The following RAI14 variants were observed in gnomAD, a reference collection of about 807,000 sequenced individuals.
The protein encoded by RAI14 is ankycorbin.
Under a neutral mutation model 115.4 loss-of-function variants are expected in RAI14, and 45 were observed. The observed-to-expected ratio is 0.39, with a 90% CI of 0.31 to 0.50. The LOEUF (loss-of-function observed/expected upper bound fraction) is 0.50. RAI14 is among the 20% of genes least tolerant of loss of function. The pLI, the probability that RAI14 is intolerant of heterozygous loss-of-function variation, is 0.85. For missense variants in RAI14, 939 were observed against 1,131.2 expected (o/e 0.83, Z 2.44); for synonymous variants, 371 against 415.4 (o/e 0.89, Z 1.30).
chr5:34,687,747 G>A, intron 2 of RAI14: 2 of 1,549,470 alleles, frequency 1.3e-6, no homozygotes, highest in East Asian at 2.4e-5. Flanking sequence ...AAATGGGCTT[G>A]TTCAGCTATC....
At chr5:34,752,763 A>ATATC in intron 2 of RAI14, among the ~76,000 whole-genome samples, 1 of 125,320 alleles carries the variant, frequency 8.0e-6, no homozygotes, top group Non-Finnish European at 1.6e-5. Flanking sequence ...ATATATATAT[A>ATATC]TATGTATCTT....
chr5:34,665,700 T>C (rs1743151075), intron 1 of RAI14, among the ~76,000 whole-genome samples: 1 of 152,152 alleles, frequency 6.6e-6, no homozygotes. Flanking sequence ...ATGGAACTCC[T>C]TGCCCTAAGG....
intron 1 of RAI14, among the ~76,000 whole-genome samples, chr5:34,674,586 G>GGTTT (rs1554038522): frequency 1.3e-4 from 17 of 132,534 alleles, no homozygotes; most frequent in African/African-American, 4.8e-4. Flanking sequence ...CGGATCTTTT[G>GGTTT]TTTTTTTTTT....
intron 11 of RAI14, among the ~76,000 whole-genome samples, chr5:34,814,115 AAGT>A (rs1215945704): frequency 6.6e-6 from 1 of 152,204 alleles, no homozygotes; most frequent in Non-Finnish European, 1.5e-5. Flanking sequence ...CTAATATTAA[AAGT>A]AGTTTTCATT....
chr5:34,749,608 A>G (rs960595479), intron 2 of RAI14, among the ~76,000 whole-genome samples: 3 of 152,132 alleles, frequency 2.0e-5, no homozygotes, highest in Non-Finnish European at 2.9e-5. Flanking sequence ...TCAAGAGAAA[A>G]CCTTTAAGTA....
intron 1 of RAI14, among the ~76,000 whole-genome samples, chr5:34,674,174 A>C (rs1048452624): frequency 4.6e-5 from 7 of 152,206 alleles, no homozygotes; most frequent in Non-Finnish European, 1.0e-4. Flanking sequence ...GATAGTTGGG[A>C]CAGCAGAAAT....
intron 2 of RAI14, among the ~76,000 whole-genome samples, chr5:34,752,804 G>T (rs1215918968): frequency 6.9e-6 from 1 of 145,270 alleles, no homozygotes; most frequent in Admixed American, 7.0e-5. Context: ...GTCTTGGGTT[G>T]TCGCCCAGGT....
At chr5:34,767,330 TG>T (rs1749532271) in intron 3 of RAI14, among the ~76,000 whole-genome samples, 2 of 152,108 alleles carry the variant, frequency 1.3e-5, no homozygotes, top group African/African-American at 4.8e-5. Flanking sequence ...CAGGAGAGCC[TG>T]GGAAACGTAG....
At chr5:34,810,863 A>T (rs1755499669) in intron 7 of RAI14, 149 bp from the exon 8 acceptor site, 3 of 1,208,528 alleles carry the variant, frequency 2.5e-6, no homozygotes, top group Non-Finnish European at 3.5e-6. Flanking sequence ...GTGACTCTAT[A>T]GGGGTACAGA....
intron 2 of RAI14, among the ~76,000 whole-genome samples, chr5:34,711,667 T>C (rs1741419659): frequency 6.6e-6 from 1 of 152,148 alleles, no homozygotes; most frequent in Admixed American, 6.6e-5. Context: ...CCTTCTGCCA[T>C]ATGAGGACAC....
chr5:34,749,201 G>C (rs1433423069), intron 2 of RAI14, among the ~76,000 whole-genome samples: 2 of 152,216 alleles, frequency 1.3e-5, no homozygotes, highest in South Asian at 2.1e-4. Flanking sequence ...AAGAAATGCA[G>C]CTTTTCTCAA....
At chr5:34,720,711 ATT>A (rs897355366) in intron 2 of RAI14, among the ~76,000 whole-genome samples, 1 of 151,154 alleles carries the variant, frequency 6.6e-6, no homozygotes, top group African/African-American at 2.4e-5. Flanking sequence ...CGCCCGGCAG[ATT>A]TTTTTTTCTA....
At chr5:34,768,709 C>T (rs62355690) in intron 3 of RAI14, among the ~76,000 whole-genome samples, 1 of 152,120 alleles carries the variant, frequency 6.6e-6, no homozygotes, top group Non-Finnish European at 1.5e-5. Flanking sequence ...GTCGTGGGCC[C>T]CGGGTGCGGT....
intron 2 of RAI14, among the ~76,000 whole-genome samples, chr5:34,699,650 A>G (rs1243280342): frequency 6.6e-6 from 1 of 152,176 alleles, no homozygotes; most frequent in Non-Finnish European, 1.5e-5. Context: ...GGGCTTCAAC[A>G]TATGGATTTT....
intron 2 of RAI14, among the ~76,000 whole-genome samples, chr5:34,696,425 C>T (rs929213426): frequency 2.6e-5 from 4 of 152,136 alleles, no homozygotes; most frequent in African/African-American, 7.2e-5. Flanking sequence ...CGTGAGCCAC[C>T]ACGCCCGGCC....
rs563415382 is a variant in RAI14 at position 34,682,981 on chromosome 5, T to G, written c.-48-3891T>G. Reference sequence around the variant, plus strand: ...CAGCCTGGGCTTTAGAAGTTTGGGATTGAAAATGAGACTGTAAGATCCCAG... The same window carrying G: ...CAGCCTGGGCTTTAGAAGTTTGGGAGTGAAAATGAGACTGTAAGATCCCAG... On this transcript the variant is annotated intron_variant, in intron 1 of 17. Coordinates refer to ENST00000265109, the MANE Select transcript of RAI14 (RefSeq NM_015577.3). Among the ~76,000 whole-genome samples the G allele has an allele frequency of 2.6e-5, 4 of 152,280 alleles. 1 individual carries two copies. The highest frequency in any genetic ancestry group is 4.1e-4 in the South Asian group (2 of 4,822).
intron 4 of RAI14, among the ~76,000 whole-genome samples, chr5:34,797,040 T>A (rs964834900): frequency 6.6e-6 from 1 of 152,088 alleles, no homozygotes; most frequent in Non-Finnish European, 1.5e-5. Context: ...TAAAACACTG[T>A]CCTATAAGAA....
rs534392227 is a variant in RAI14, at chr5:34,785,896, G to A, written c.168-10043G>A. On this transcript the variant is annotated intron_variant, in intron 3 of 17. Transcript: ENST00000265109. ...AGTTGCCCCATTGTAATCAGAATCA[G>A]TGACTCCTGTTTGTATTTGTACCCC... Among the ~76,000 whole-genome samples the A allele has an allele frequency of 2.6e-5, 4 of 152,316 alleles. No homozygotes were observed. The South Asian group carries it at 8.3e-4, about 32-fold the overall frequency.
chr5:34,751,543 G>A (rs932691466), intron 2 of RAI14, among the ~76,000 whole-genome samples: 2 of 152,136 alleles, frequency 1.3e-5, no homozygotes, highest in Admixed American at 6.5e-5. Flanking sequence ...GGGTTTTCTT[G>A]TGTGTGTCTT....
Sources: gnomAD v4.1 joint callset for allele counts (sites outside exome capture counted in the v4.1 genomes callset) on GRCh38, gnomAD v4.1.1 for gene constraint, MANE v1.5 for transcripts, NCBI Gene and HGNC (gene_info 2026-07-23, HGNC 2026-07-21) for gene names.